Variants in USP32 observed in about 807,000 individuals in gnomAD.
USP32 encodes the protein ubiquitin carboxyl-terminal hydrolase 32.
USP32 carries 59 observed loss-of-function variants against 204.8 expected under a neutral mutation model. That is an observed-to-expected ratio of 0.29 (90% CI 0.23 to 0.36). The LOEUF (loss-of-function observed/expected upper bound fraction) is 0.36, where lower values mean the gene tolerates loss of function less well. USP32 is among the 10% of genes least tolerant of loss of function. The pLI, the probability that USP32 is intolerant of heterozygous loss-of-function variation, is 1.00. For missense variants in USP32, 1,160 were observed against 1,946.4 expected (o/e 0.60, Z 7.60); for synonymous variants, 517 against 678.4 (o/e 0.76, Z 3.70).
chr17:60,224,520 C>T (rs1328621231), intron 13 of USP32, among the ~76,000 whole-genome samples: 1 of 152,218 alleles, frequency 6.6e-6, no homozygotes, highest in African/African-American at 2.4e-5. Context: ...AGGAATGGCT[C>T]ATGCCTGTAA....
At chr17:60,352,000 G>A (rs1420507957) in intron 1 of USP32, among the ~76,000 whole-genome samples, 1 of 152,108 alleles carries the variant, frequency 6.6e-6, no homozygotes, top group Non-Finnish European at 1.5e-5. Flanking sequence ...AGAATAAAGT[G>A]GCATGGATAA....
At position 60,232,234 on chromosome 17, in the gene USP32, A is replaced by G. The variant is rs1004920881; in HGVS notation, c.1239+3904T>C. ...GTCATCCAGGATGGTGTGCAGTGGC[A>G]TGATCTCGGCTCACTGCAACCTCTG... On this transcript the variant is annotated intron_variant, in intron 12 of 33. Coordinates refer to ENST00000300896, the MANE Select transcript of USP32 (RefSeq NM_032582.4). Among the ~76,000 whole-genome samples the G allele has an allele frequency of 6.7e-4, 89 of 133,822 alleles. 1 individual carries two copies. Among genetic ancestry groups the G allele is most frequent in the African/African-American group, 2.4e-3 (84 of 34,524 alleles). 87.8% of individuals were successfully genotyped at this position (133,822 alleles called of 152,430 possible).
intron 1 of USP32, among the ~76,000 whole-genome samples, chr17:60,420,319 A>G (rs1369209379): frequency 6.6e-6 from 1 of 151,982 alleles, no homozygotes; most frequent in African/African-American, 2.4e-5. Flanking sequence ...AAAACTTAGC[A>G]TTATATAATG....
intron 1 of USP32, among the ~76,000 whole-genome samples, chr17:60,361,014 A>G (rs777009082): frequency 6.6e-6 from 1 of 151,974 alleles, no homozygotes; most frequent in Non-Finnish European, 1.5e-5. Flanking sequence ...CTGTAATTCC[A>G]GCTACAGGGG....
chr17:60,289,484 A>G (rs1342555911), intron 4 of USP32, among the ~76,000 whole-genome samples: 1 of 152,238 alleles, frequency 6.6e-6, no homozygotes, highest in African/African-American at 2.4e-5. Context: ...CTCCTAGAGT[A>G]GACATTCAGG....
At position 60,209,443 on chromosome 17, in the gene USP32, T is replaced by C; in HGVS notation, c.2525A>G (p.Asn842Ser). The C allele has an allele frequency of 6.3e-7, 1 of 1,594,140 alleles. No individual in the cohort carries two copies. The highest frequency in any genetic ancestry group is 8.5e-7 in the Non-Finnish European group (1 of 1,173,106). ...FLLDGLHEDL[N>S]RVHEKPYVEL... ...CACATATGGCTTTTCATGGACTCGA[T>C]TAAGATCTTCATGAAGACCATCCAA... The change falls in exon 22 of 34, where the codon AAT (asparagine) becomes AGT (serine). Residue 842 changes from asparagine to serine, a missense_variant. Physicochemically the swap from Asn to Ser is conservative, Grantham distance 46 (BLOSUM62 1). This residue lies in a region of USP32 where 132 missense variants were observed against 432.8 expected (regional missense o/e 0.30). Coordinates refer to ENST00000300896, the MANE Select transcript of USP32 (RefSeq NM_032582.4).
intron 3 of USP32, among the ~76,000 whole-genome samples, chr17:60,297,437 T>C (rs1404125629): frequency 6.8e-6 from 1 of 146,604 alleles, no homozygotes; most frequent in African/African-American, 2.7e-5. Context: ...GCTACAATGT[T>C]TTTCCTTTTC....
chr17:60,386,386 C>T (rs985804750), intron 1 of USP32, among the ~76,000 whole-genome samples: 29 of 151,660 alleles, frequency 1.9e-4, no homozygotes, highest in Admixed American at 1.6e-3. Context: ...AAAAAAAATC[C>T]CTCCACCACT....
intron 2 of USP32, among the ~76,000 whole-genome samples, chr17:60,310,939 T>TA (rs900294270): frequency 3.9e-5 from 6 of 151,912 alleles, no homozygotes; most frequent in African/African-American, 1.5e-4. Context: ...ATGTAGGAGC[T>TA]AAAAAAAGTA....
chr17:60,279,769 G>C (rs1264696464), intron 5 of USP32, among the ~76,000 whole-genome samples: 1 of 150,318 alleles, frequency 6.7e-6, no homozygotes, highest in African/African-American at 2.4e-5. Context: ...CCTAGGAGGC[G>C]GAGGTTGCAA....
intron 9 of USP32, among the ~76,000 whole-genome samples, chr17:60,259,950 G>A (rs1329836206): frequency 6.6e-6 from 1 of 152,164 alleles, no homozygotes; most frequent in Admixed American, 6.5e-5. Flanking sequence ...CTTAACTCTT[G>A]TTTGCCTATG....
At chr17:60,256,837 G>A in intron 9 of USP32, 2 of 886,306 alleles carry the variant, frequency 2.3e-6, no homozygotes, top group Admixed American at 2.9e-5. Context: ...GATTGGGCCA[G>A]TCAACATTAA....
intron 11 of USP32, among the ~76,000 whole-genome samples, chr17:60,246,070 T>C (rs1348987619): frequency 6.6e-6 from 1 of 152,020 alleles, no homozygotes; most frequent in South Asian, 2.1e-4. Flanking sequence ...ATACAATAAA[T>C]TATTTTTAAC....
intron 1 of USP32, chr17:60,422,036 C>CCCA: frequency 1.2e-6 from 1 of 832,290 alleles, no homozygotes; most frequent in Non-Finnish European, 1.4e-6. Flanking sequence ...GCACCCAGCA[C>CCCA]GGAGGGCTTA....
At chr17:60,243,884 CTT>C (rs975487348) in intron 11 of USP32, among the ~76,000 whole-genome samples, 2 of 152,102 alleles carry the variant, frequency 1.3e-5, no homozygotes, top group Non-Finnish European at 2.9e-5. Context: ...GCTCCAGTAA[CTT>C]GACTTTTGTA....
intron 4 of USP32, among the ~76,000 whole-genome samples, chr17:60,290,194 C>T (rs1167448289): frequency 1.3e-5 from 2 of 152,192 alleles, no homozygotes; most frequent in African/African-American, 4.8e-5. Flanking sequence ...CACCATCGCC[C>T]ACCAACTGAA....
At chr17:60,267,624 G>A (rs1002891097) in intron 7 of USP32, among the ~76,000 whole-genome samples, 6 of 151,252 alleles carry the variant, frequency 4.0e-5, no homozygotes, top group Admixed American at 1.3e-4. Flanking sequence ...GGGTTGAAGC[G>A]ATTCTCCTGC....
chr17:60,359,518 A>G (rs1379256143), intron 1 of USP32, among the ~76,000 whole-genome samples: 1 of 152,210 alleles, frequency 6.6e-6, no homozygotes, highest in Non-Finnish European at 1.5e-5. Flanking sequence ...CTCAGAAAAA[A>G]TGTTTTTTCA....
chr17:60,278,852 T>C (rs1272403007), intron 5 of USP32, among the ~76,000 whole-genome samples: 3 of 152,184 alleles, frequency 2.0e-5, no homozygotes, highest in African/African-American at 7.2e-5. Context: ...AGATTTAAAA[T>C]AGTGAAAGTC....
Sources: allele counts gnomAD v4.1 joint callset (sites outside exome capture counted in the v4.1 genomes callset), GRCh38; gene constraint gnomAD v4.1.1; regional missense constraint gnomAD v4.1.1; transcripts MANE v1.5; gene names NCBI Gene and HGNC (gene_info 2026-07-23, HGNC 2026-07-21).